CRNKL1: variants seen among roughly 807,000 people sequenced by gnomAD.
The protein encoded by CRNKL1 is crooked neck-like protein 1.
A neutral mutation model predicts 103.7 loss-of-function variants in CRNKL1; 35 were observed. That is an observed-to-expected ratio of 0.34 (90% CI 0.26 to 0.45). The LOEUF (loss-of-function observed/expected upper bound fraction) is 0.45, where lower values mean the gene tolerates loss of function less well. CRNKL1 is among the 20% of genes least tolerant of loss of function. The pLI, the probability that CRNKL1 is intolerant of heterozygous loss-of-function variation, is 1.00. For synonymous variants in CRNKL1, 267 were observed against 282.6 expected, an observed-to-expected ratio of 0.94 and a Z score of 0.55; for missense variants, 645 against 836.0, an observed-to-expected ratio of 0.77 and a Z score of 2.82.
In CRNKL1 at chr20:20,036,169, C is replaced by G. The variant is rs1334595150; in HGVS notation, c.*26G>C. The G allele has an allele frequency of 6.3e-7, 1 of 1,599,692 alleles. No individual in the cohort carries two copies. The highest frequency in any genetic ancestry group is 8.5e-7 in the Non-Finnish European group (1 of 1,173,030). On this transcript the variant is annotated 3_prime_UTR_variant, in exon 14 of 14. Transcript: ENST00000536226. Reference sequence around the variant, plus strand: ...CCAAACAATTAATTTATAAAAATAACAAAACATTTGTCTATGAAAAAAAGA... The same window carrying G: ...CCAAACAATTAATTTATAAAAATAAGAAAACATTTGTCTATGAAAAAAAGA...
rs1196046179 is a variant in CRNKL1, at chr20:20,045,487, G to A, written c.623-1C>T. ...TTAACATCAGGGTGCACGAGGACAA[G>A]TGCAAGGGAATTAAGGAAATCCCAG... On this transcript the variant is annotated splice_acceptor_variant, in intron 5 of 13. Transcript: ENST00000536226. LOFTEE classifies it high-confidence loss of function. 7 of 1,595,654 alleles carry A rather than the reference G, an allele frequency of 4.4e-6. No homozygotes were observed. In the South Asian group the frequency reaches 5.6e-5, roughly 13 times the overall value.
Position 20,052,253 on chromosome 20 carries a change from C to T in CRNKL1, c.51+39G>A, listed in dbSNP as rs766393616. 1.7e-5 allele frequency: 27 copies of T among 1,561,594 alleles called. No homozygotes were observed. The South Asian group carries it at 3.1e-4, about 18-fold the overall frequency. On this transcript the variant is annotated intron_variant, in intron 1 of 13. Coordinates refer to ENST00000536226, the MANE Select transcript of CRNKL1 (RefSeq NM_001278628.2). ...CCTCAGGGCTGAGGGATGCCCCTTTCCTAGGCCACCTCCTACAAGGCCCCT... is the reference window on the plus strand; with the variant it reads ...CCTCAGGGCTGAGGGATGCCCCTTTTCTAGGCCACCTCCTACAAGGCCCCT...
Position 20,042,452 on chromosome 20 carries a change from G to A in CRNKL1, c.1037C>T (p.Ala346Val), listed in dbSNP as rs1229090312. Residue 346 changes from alanine (A) to valine (V), a missense_variant, in exon 8 of 14, where the codon GCT becomes GTT. Ala to Val is a moderately conservative substitution (Grantham distance 64, BLOSUM62 0). Transcript: ENST00000536226. ...TTCATAGACTTCTCTCACGGCTTCA[G>A]CTTCTGCGTCACTTTCTACCAAGCG... The part of the protein sequence containing the change: ...YLRLVESDAE[A>V]EAVREVYERA... 6.2e-7 allele frequency: 1 copy of A among 1,614,154 alleles called. No homozygotes were observed. The highest frequency in any genetic ancestry group is 1.1e-5 in the South Asian group (1 of 91,070).
chr20:20,043,353 C>T, intron 7 of CRNKL1, 139 bp downstream of exon 7: 2 of 802,792 alleles, frequency 2.5e-6, no homozygotes, highest in South Asian at 2.2e-5. Context: ...TCTGAAATAG[C>T]TGCCAATTGG....
chr20:20,055,867 A>G, upstream of CRNKL1: 2 of 1,107,424 alleles, frequency 1.8e-6, no homozygotes, highest in Non-Finnish European at 2.7e-6. Context: ...CCTATGAAGG[A>G]AAGAAGGGAG....
chr20:20,045,827 A>G (rs964334333), intron 5 of CRNKL1, among the ~76,000 whole-genome samples: 1 of 152,182 alleles, frequency 6.6e-6, no homozygotes, highest in Non-Finnish European at 1.5e-5. Context: ...TTTCATTTGT[A>G]AACAGGGAAA....
chr20:20,040,680 A>T lies in CRNKL1; in HGVS notation c.1305+6T>A. ...GATGAGACATCTTGATCCTTTCTTT[A>T]CTTACCAATGCTCTTCTGGCTAATG... is the stretch of plus-strand genomic sequence containing the variant. On this transcript the variant is annotated splice_donor_region_variant and intron_variant, in intron 10 of 13. Transcript: ENST00000536226. 1 of 1,599,222 alleles carries T rather than the reference A, an allele frequency of 6.3e-7. No homozygotes were observed. The highest frequency in any genetic ancestry group is 8.6e-7 in the Non-Finnish European group (1 of 1,169,338).
rs1305955558 is a variant in CRNKL1, at chr20:20,042,349, T to G, written c.1140A>C (p.Ala380=). Residue 380 remains alanine, a synonymous_variant, in exon 8 of 14, where the codon GCA becomes GCC. Transcript: ENST00000536226. ...KRYIYLWINY[A]LYEELEAKDP... is the part of the protein sequence containing the mutation. Reference sequence around the variant, plus strand: ...CCTTTGCCTCCAATTCTTCATAGAGTGCATAGTTGATCCAAAGATAAATGT... The same window carrying G: ...CCTTTGCCTCCAATTCTTCATAGAGGGCATAGTTGATCCAAAGATAAATGT... The G allele has an allele frequency of 1.2e-6, 2 of 1,612,930 alleles. No individual in the cohort carries two copies. The highest frequency in any genetic ancestry group is 1.7e-6 in the Non-Finnish European group (2 of 1,179,708).
intron 5 of CRNKL1, 93 bp downstream of exon 5, chr20:20,047,672 T>C: frequency 8.2e-7 from 1 of 1,218,886 alleles, no homozygotes; most frequent in Non-Finnish European, 1.1e-6. Flanking sequence ...CTGACATTAA[T>C]GACTGTGTGT....
At chr20:20,055,522 C>T (rs1345791214), upstream of CRNKL1, among the ~76,000 whole-genome samples, 4 of 152,214 alleles carry the variant, frequency 2.6e-5, no homozygotes, top group East Asian at 7.7e-4. Context: ...ATCCCCAAAA[C>T]CTGTGTCAGA....
chr20:20,054,760 T>C (rs2044166136), upstream of CRNKL1, among the ~76,000 whole-genome samples: 1 of 152,234 alleles, frequency 6.6e-6, no homozygotes, highest in Admixed American at 6.5e-5. Context: ...TCAGTCTAAT[T>C]ATTTTTTATA....
intron 8 of CRNKL1, 38 bp from the exon 9 acceptor site, chr20:20,041,663 T>A (rs757298089): frequency 8.8e-6 from 13 of 1,474,808 alleles, no homozygotes; most frequent in Middle Eastern, 1.7e-4. Context: ...AATATTGAAG[T>A]CTGCTGCTAA....
At chr20:20,038,328 T>A in intron 12 of CRNKL1, 21 bp downstream of exon 12, 2 of 1,436,046 alleles carry the variant, frequency 1.4e-6, no homozygotes, top group Non-Finnish European at 1.9e-6. Flanking sequence ...AAATGAAAGA[T>A]CATCTACAAA....
At chr20:20,055,971 A>C (rs535146740), upstream of CRNKL1, 2 of 1,611,428 alleles carry the variant, frequency 1.2e-6, no homozygotes, top group Admixed American at 3.4e-5. Context: ...AGCATTTCCC[A>C]AAGTGTCCTT....
At chr20:20,053,030 AC>A (rs1292361075), upstream of CRNKL1, among the ~76,000 whole-genome samples, 1 of 152,152 alleles carries the variant, frequency 6.6e-6, no homozygotes, top group East Asian at 1.9e-4. Context: ...CTGGAAAACA[AC>A]TCAGTCTTGT....
rs2043673479 is a variant in CRNKL1 at position 20,050,518 on chromosome 20, C to A, written c.156G>T (p.Lys52Asn). The change falls in exon 2 of 14, where the codon AAG becomes AAT. Residue 52 changes from lysine (K) to asparagine (N), a missense_variant. Lys to Asn is a moderately conservative substitution (Grantham distance 94, BLOSUM62 0). Around this residue, in one of 2 missense-constraint regions of CRNKL1, gnomAD observed 63 missense variants for 128.3 expected, o/e 0.49. Transcript: ENST00000536226. ...CATTTAATTCTTCTTCATCTGTGAT[C>A]TTCTGTTGAGGTGGAGGTGGAAGAA... ...LELLPPPPQQ[K>N]ITDEEELNDY... 1 of 1,613,814 alleles carries A rather than the reference C, an allele frequency of 6.2e-7. No individual in the cohort carries two copies. The highest frequency in any genetic ancestry group is 8.5e-7 in the Non-Finnish European group (1 of 1,179,912).
intron 13 of CRNKL1, among the ~76,000 whole-genome samples, chr20:20,036,576 C>G (rs796371542): frequency 3.3e-5 from 5 of 152,300 alleles, no homozygotes; most frequent in African/African-American, 9.6e-5. Flanking sequence ...GAAAAACATT[C>G]TAAAAATCTA....
chr20:20,048,595 A>T, intron 3 of CRNKL1, 94 bp from the exon 4 acceptor site: 1 of 1,316,844 alleles, frequency 7.6e-7, no homozygotes, highest in Non-Finnish European at 1.1e-6. Context: ...ATGTTTTATT[A>T]GGTGTCTACC....
Position 20,035,348 on chromosome 20 carries a change from AG to A in CRNKL1, c.*846del, listed in dbSNP as rs548267952. The A allele has an allele frequency of 1.3e-5, 2 of 152,374 alleles. No individual in the cohort carries two copies. Among genetic ancestry groups the A allele is most frequent in the Non-Finnish European group, 2.9e-5 (2 of 68,044 alleles). The allele number at this position is 152,374 out of a possible 1,614,324, so 9.4% of individuals were successfully genotyped here. A position where few individuals can be genotyped will look rare whatever the true frequency, so the allele number is the denominator to read the frequency against. ...ATTAACGAGACTTAAGTCTTAGTCC[AG>A]AATTTCCCAAATTTATGTGAACATG... On this transcript the variant is annotated 3_prime_UTR_variant, in exon 14 of 14. Coordinates refer to ENST00000536226, the MANE Select transcript of CRNKL1 (RefSeq NM_001278628.2).
Sources: allele counts gnomAD v4.1 joint callset (sites outside exome capture counted in the v4.1 genomes callset), GRCh38; gene constraint gnomAD v4.1.1; regional missense constraint gnomAD v4.1.1; transcripts MANE v1.5; gene names NCBI Gene and HGNC (gene_info 2026-07-23, HGNC 2026-07-21).